Variants in C2CD5 observed in about 807,000 individuals in gnomAD.
The protein encoded by C2CD5 is C2 domain-containing protein 5.
C2CD5 carries 109 observed loss-of-function variants against 130.3 expected under a neutral mutation model. The observed-to-expected ratio is 0.84, with a 90% CI of 0.72 to 0.98. The LOEUF is 0.98. Among genes scored for constraint, C2CD5 ranks in the 50% least tolerant of loss-of-function variants. The pLI is 0.00. For missense variants in C2CD5, 996 were observed against 1,261.8 expected (o/e 0.79, Z 3.19); for synonymous variants, 454 against 429.2 (o/e 1.06, Z -0.71).
At chr12:22,459,305 A>G (rs974057045) in intron 23 of C2CD5, among the ~76,000 whole-genome samples, 187 bp downstream of exon 23, 1 of 152,136 alleles carries the variant, frequency 6.6e-6, no homozygotes, top group Admixed American at 6.5e-5. Context: ...AACATACTAA[A>G]AAATTTAAAT....
intron 9 of C2CD5, among the ~76,000 whole-genome samples, chr12:22,511,822 T>G (rs1949229902): frequency 6.6e-6 from 1 of 152,134 alleles, no homozygotes; most frequent in Non-Finnish European, 1.5e-5. Flanking sequence ...GAACCCACAT[T>G]TTTCTGTTGA....
intron 22 of C2CD5, among the ~76,000 whole-genome samples, chr12:22,464,615 C>A (rs1431421674): frequency 6.6e-6 from 1 of 152,096 alleles, no homozygotes; most frequent in Non-Finnish European, 1.5e-5. Context: ...TAGTTAGTTT[C>A]TGTTTTTTGC....
At chr12:22,532,007 C>T (rs534130232) in intron 3 of C2CD5, among the ~76,000 whole-genome samples, 7 of 152,180 alleles carry the variant, frequency 4.6e-5, no homozygotes, top group South Asian at 2.1e-4. Flanking sequence ...TTCTGCCAAA[C>T]GCTGAATGTC....
At chr12:22,487,016 A>T (rs1945628802) in intron 12 of C2CD5, among the ~76,000 whole-genome samples, 1 of 152,182 alleles carries the variant, frequency 6.6e-6, no homozygotes, top group African/African-American at 2.4e-5. Flanking sequence ...AGAAAGCTGA[A>T]ATTGGATCCC....
At position 22,544,317 on chromosome 12, in the gene C2CD5, C is replaced by T; in HGVS notation, c.-30+3G>A. On this transcript the variant is annotated splice_donor_region_variant and intron_variant, in intron 1 of 26. Transcript: ENST00000446597. ...GGCAGTCGCGCCACGGGTCGCCACT[C>T]ACTGTCGCAGGAGGAAGGGTGCTGT... 1.8e-6 allele frequency: 1 copy of T among 541,540 alleles called. No homozygotes were observed. 33.5% of individuals were successfully genotyped at this position (541,540 alleles called of 1,614,324 possible).
chr12:22,491,616 G>A (rs1265470005), intron 11 of C2CD5, among the ~76,000 whole-genome samples: 4 of 152,272 alleles, frequency 2.6e-5, no homozygotes, highest in East Asian at 1.9e-4. Context: ...GCTTACGCCT[G>A]TAATCCCAGC....
intron 10 of C2CD5, among the ~76,000 whole-genome samples, chr12:22,493,971 A>T (rs1946685410): frequency 6.6e-6 from 1 of 152,018 alleles, no homozygotes; most frequent in African/African-American, 2.4e-5. Flanking sequence ...ATAAGGAAAA[A>T]TTTCAGATAT....
chr12:22,543,872 C>G (rs1952663254), intron 2 of C2CD5, among the ~76,000 whole-genome samples, 189 bp downstream of exon 2: 1 of 152,144 alleles, frequency 6.6e-6, no homozygotes, highest in African/African-American at 2.4e-5. Context: ...GCCGCGGACG[C>G]CTGCAAGCCG....
chr12:22,474,621 T>C, intron 16 of C2CD5, 130 bp downstream of exon 16: 1 of 595,588 alleles, frequency 1.7e-6, no homozygotes, highest in South Asian at 4.6e-5. Flanking sequence ...TTGTTGTATT[T>C]TTATATAATA....
At chr12:22,479,107 G>A (rs911687134) in intron 14 of C2CD5, among the ~76,000 whole-genome samples, 3 of 150,522 alleles carry the variant, frequency 2.0e-5, no homozygotes, top group African/African-American at 7.3e-5. Flanking sequence ...GAAGTCCCAC[G>A]CTTTCACCCA....
At chr12:22,468,198 T>G (rs558867189) in intron 22 of C2CD5, among the ~76,000 whole-genome samples, 1 of 152,002 alleles carries the variant, frequency 6.6e-6, no homozygotes, top group East Asian at 1.9e-4. Context: ...AAAAAAAACT[T>G]GCTGTATAGT....
At chr12:22,485,785 T>C (rs1945408695) in intron 12 of C2CD5, among the ~76,000 whole-genome samples, 1 of 152,024 alleles carries the variant, frequency 6.6e-6, no homozygotes, top group Non-Finnish European at 1.5e-5. Context: ...GTGGTATACA[T>C]AAGGCATAAA....
At chr12:22,530,836 A>G (rs1295022192) in intron 3 of C2CD5, among the ~76,000 whole-genome samples, 3 of 152,290 alleles carry the variant, frequency 2.0e-5, no homozygotes, top group African/African-American at 7.2e-5. Context: ...TCATATTGTT[A>G]AGTAAGCTGC....
At chr12:22,538,574 C>G (rs1439410210) in intron 2 of C2CD5, among the ~76,000 whole-genome samples, 1 of 152,194 alleles carries the variant, frequency 6.6e-6, no homozygotes, top group Non-Finnish European at 1.5e-5. Flanking sequence ...GTTGTTAAGA[C>G]AGCTTCAACT....
At chr12:22,523,086 C>T (rs924889412) in intron 7 of C2CD5, among the ~76,000 whole-genome samples, 1 of 151,866 alleles carries the variant, frequency 6.6e-6, no homozygotes, top group Non-Finnish European at 1.5e-5. Flanking sequence ...TGGTGGCCTG[C>T]CCCTGTAGTC....
chr12:22,475,016 G>A, intron 15 of C2CD5, 125 bp from the exon 16 acceptor site: 3 of 540,438 alleles, frequency 5.6e-6, no homozygotes, highest in Non-Finnish European at 3.0e-6. Context: ...AGTGAAGTCC[G>A]TACTTAAGTA....
chr12:22,469,305 G>GAA (rs893939764), intron 22 of C2CD5, among the ~76,000 whole-genome samples: 1 of 145,816 alleles, frequency 6.9e-6, no homozygotes, highest in Non-Finnish European at 1.5e-5. Flanking sequence ...GTATCTTCTG[G>GAA]AAAAAAAAAA....
At chr12:22,522,302 C>T (rs1164783808) in intron 7 of C2CD5, among the ~76,000 whole-genome samples, 6 of 152,098 alleles carry the variant, frequency 3.9e-5, no homozygotes, top group African/African-American at 7.2e-5. Flanking sequence ...CCTTGCTGTG[C>T]GGGATAGTCA....
At chr12:22,505,684 C>G (rs564580244) in intron 10 of C2CD5, among the ~76,000 whole-genome samples, 6 of 152,046 alleles carry the variant, frequency 3.9e-5, no homozygotes, top group Non-Finnish European at 7.4e-5. Context: ...TTATTTTAGA[C>G]GTAGAAAAAT....
Sources: gnomAD v4.1 joint callset for allele counts (sites outside exome capture counted in the v4.1 genomes callset) on GRCh38, gnomAD v4.1.1 for gene constraint, MANE v1.5 for transcripts, NCBI Gene and HGNC (gene_info 2026-07-23, HGNC 2026-07-21) for gene names.